Variants in LHFPL2 observed in about 807,000 individuals in gnomAD.
The protein encoded by LHFPL2 is LHFPL tetraspan subfamily member 2 protein.
Under a neutral mutation model 17.5 loss-of-function variants are expected in LHFPL2, and 7 were observed. The observed-to-expected ratio is 0.40, with a 90% CI of 0.23 to 0.75. The LOEUF is 0.75. Among genes scored for constraint, LHFPL2 ranks in the 30% least tolerant of loss-of-function variants. The pLI is 0.37. For synonymous variants in LHFPL2, 134 were observed against 116.2 expected (o/e 1.15, Z -0.99); for missense variants, 241 against 294.8 (o/e 0.82, Z 1.34).
At chr5:78,591,893 TTCTTATTGTTCTTTCTGGGCACACACAA>T (rs1212073470) in intron 2 of LHFPL2, among the ~76,000 whole-genome samples, 1 of 152,164 alleles carries the variant, frequency 6.6e-6, no homozygotes, top group Non-Finnish European at 1.5e-5. Context: ...TCACCAGGTT[TTCTTATTGTTCTTTCTGGGCACACACAA>T]CTGGCATGAA....
At chr5:78,599,475 A>AT (rs34830490) in intron 2 of LHFPL2, among the ~76,000 whole-genome samples, 2,403 of 143,374 alleles carry the variant, frequency 0.017, 56 homozygotes, top group African/African-American at 0.057. Context: ...AATTTTTTGT[A>AT]TTTTTTTTTT....
chr5:78,512,679 A>T (rs1332009886), intron 3 of LHFPL2, among the ~76,000 whole-genome samples: 2 of 151,870 alleles, frequency 1.3e-5, no homozygotes, highest in Non-Finnish European at 2.9e-5. Context: ...AGAGCTATAA[A>T]GCCTTCCCAT....
At chr5:78,489,844 T>C (rs1754378176) in intron 4 of LHFPL2, among the ~76,000 whole-genome samples, 1 of 152,250 alleles carries the variant, frequency 6.6e-6, no homozygotes, top group Admixed American at 6.5e-5. Flanking sequence ...TGCTTTGCTA[T>C]GGTCTGCAAA....
chr5:78,500,367 T>C (rs1754736697), intron 4 of LHFPL2, among the ~76,000 whole-genome samples: 1 of 152,182 alleles, frequency 6.6e-6, no homozygotes, highest in South Asian at 2.1e-4. Flanking sequence ...CAGTGGGTGT[T>C]AGTTAAACCC....
chr5:78,541,464 C>A (rs1756111951), intron 3 of LHFPL2, among the ~76,000 whole-genome samples: 1 of 152,206 alleles, frequency 6.6e-6, no homozygotes, highest in Non-Finnish European at 1.5e-5. Context: ...TCAAACCGCA[C>A]AGCCCACTTG....
In LHFPL2 at chr5:78,486,850, A is replaced by G. The variant is rs886273395; in HGVS notation, c.*2047T>C. On this transcript the variant is annotated 3_prime_UTR_variant, in exon 5 of 5. Coordinates refer to ENST00000380345, the MANE Select transcript of LHFPL2 (RefSeq NM_005779.3). ...GTAAGGACACTGAGATTGTAAACCTAGTGTCAGAAAATGGTTTCTCTATCC... is the reference window on the plus strand; with the variant it reads ...GTAAGGACACTGAGATTGTAAACCTGGTGTCAGAAAATGGTTTCTCTATCC... 4.6e-5 allele frequency: 7 copies of G among 152,218 alleles called. No homozygotes were observed. The highest frequency in any genetic ancestry group is 1.7e-4 in the African/African-American group (7 of 41,460). 9.4% of individuals were successfully genotyped at this position (152,218 alleles called of 1,614,324 possible). A position where few individuals can be genotyped will look rare whatever the true frequency, so the allele number is the denominator to read the frequency against.
rs191377240 is a variant in LHFPL2, at chr5:78,487,964, C to T, written c.*933G>A. On this transcript the variant is annotated 3_prime_UTR_variant, in exon 5 of 5. Coordinates refer to ENST00000380345, the MANE Select transcript of LHFPL2 (RefSeq NM_005779.3). The stretch of plus-strand genomic sequence containing the variant: ...TCACCAAACTGGGAGTAAAGGTCTC[C>T]CCCCAAGTGCCGAGATTCTGGCAGG... The T allele has an allele frequency of 2.0e-5, 3 of 152,232 alleles. No homozygotes were observed. The highest frequency in any genetic ancestry group is 6.5e-5 in the Admixed American group (1 of 15,292). The allele number at this position is 152,232 out of a possible 1,614,324, so 9.4% of individuals were successfully genotyped here.
Position 78,603,192 on chromosome 5 carries a change from G to A in LHFPL2, c.-245+29072C>T, listed in dbSNP as rs148759409. Among the ~76,000 whole-genome samples the A allele has an allele frequency of 1.1e-3, 161 of 152,142 alleles. 1 individual carries two copies. The highest frequency in any genetic ancestry group is 3.8e-3 in the African/African-American group (156 of 41,544). ...CAGGCATGAGCCACCATACCTAGCC[G>A]AGGTAGGTATTATATGCATTTTAGC... On this transcript the variant is annotated intron_variant, in intron 2 of 4. Coordinates refer to ENST00000380345, the MANE Select transcript of LHFPL2 (RefSeq NM_005779.3).
rs576139107 is a variant in LHFPL2 at position 78,644,434 on chromosome 5, C to G, written c.-350+4065G>C. 4.4e-6 allele frequency: 3 copies of G among 675,372 alleles called. No individual in the cohort carries two copies. In the African/African-American group the frequency reaches 5.4e-5, roughly 12 times the overall value. 41.8% of individuals were successfully genotyped at this position (675,372 alleles called of 1,614,324 possible). A position where few individuals can be genotyped will look rare whatever the true frequency, so the allele number is the denominator to read the frequency against. On this transcript the variant is annotated intron_variant, in intron 1 of 4. Coordinates refer to ENST00000380345, the MANE Select transcript of LHFPL2 (RefSeq NM_005779.3). ...ACAGCCTTTTCATAAGGCTGCTTAT[C>G]ATCTGCGGCAGTGCCCTTCCACATC...
chr5:78,520,053 G>T lies in LHFPL2; in HGVS notation c.-185-9655C>A, dbSNP rs558361511. Among the ~76,000 whole-genome samples the T allele has an allele frequency of 6.3e-4, 96 of 151,334 alleles. 2 individuals carry two copies. The highest frequency in any genetic ancestry group is 2.3e-3 in the African/African-American group (95 of 40,648). On this transcript the variant is annotated intron_variant, in intron 3 of 4. Transcript: ENST00000380345. ...TCCTCATCTCTAAAGTGGGGGTAAG[G>T]AAAGTCGCTGCCACGCTTTTTGGGT... is the stretch of plus-strand genomic sequence containing the variant.
At chr5:78,590,437 A>C (rs1743586211) in intron 2 of LHFPL2, among the ~76,000 whole-genome samples, 1 of 152,128 alleles carries the variant, frequency 6.6e-6, no homozygotes, top group African/African-American at 2.4e-5. Flanking sequence ...TTCTGATTTC[A>C]CATATTTTTT....
intron 2 of LHFPL2, chr5:78,590,037 T>G (rs988218466): frequency 6.6e-6 from 1 of 152,224 alleles, no homozygotes; most frequent in African/African-American, 2.4e-5. Context: ...TAATTAGATA[T>G]CCATATAACT....
At chr5:78,610,821 C>G (rs1359454639) in intron 2 of LHFPL2, among the ~76,000 whole-genome samples, 1 of 152,018 alleles carries the variant, frequency 6.6e-6, no homozygotes, top group African/African-American at 2.4e-5. Flanking sequence ...CATTGCTGAT[C>G]CATTTGAAAA....
At chr5:78,584,156 G>T in intron 2 of LHFPL2, among the ~76,000 whole-genome samples, 2 of 147,780 alleles carry the variant, frequency 1.4e-5, no homozygotes, top group Admixed American at 6.8e-5. Context: ...GCACTTCTCT[G>T]TATTGGTTAT....
At chr5:78,577,514 AC>A (rs1334760152) in intron 2 of LHFPL2, among the ~76,000 whole-genome samples, 1 of 152,148 alleles carries the variant, frequency 6.6e-6, no homozygotes, top group African/African-American at 2.4e-5. Context: ...AAACGCTGAA[AC>A]TGGCAACTGG....
At chr5:78,510,439 C>T in intron 3 of LHFPL2, 41 bp from the exon 4 acceptor site, 1 of 516,078 alleles carries the variant, frequency 1.9e-6, no homozygotes. Flanking sequence ...CGCCAGGCCC[C>T]GCCCCGCCTT....
chr5:78,636,644 C>T (rs1258217552), intron 1 of LHFPL2, among the ~76,000 whole-genome samples: 2 of 152,220 alleles, frequency 1.3e-5, no homozygotes, highest in African/African-American at 4.8e-5. Flanking sequence ...CGCTCATTAT[C>T]TCCAGTGTCT....
intron 1 of LHFPL2, among the ~76,000 whole-genome samples, chr5:78,646,437 C>A (rs903336509): frequency 6.6e-6 from 1 of 152,178 alleles, no homozygotes; most frequent in Non-Finnish European, 1.5e-5. Flanking sequence ...CTAAGTCCTG[C>A]ACAAAAGCAA....
chr5:78,622,358 C>A (rs1457545672), intron 2 of LHFPL2, among the ~76,000 whole-genome samples: 1 of 152,246 alleles, frequency 6.6e-6, no homozygotes, highest in Non-Finnish European at 1.5e-5. Flanking sequence ...TGACTACTTA[C>A]TAAATTCCAG....
Sources: allele counts gnomAD v4.1 joint callset (sites outside exome capture counted in the v4.1 genomes callset), GRCh38; gene constraint gnomAD v4.1.1; transcripts MANE v1.5; gene names NCBI Gene and HGNC (gene_info 2026-07-23, HGNC 2026-07-21).